MCM9: variants seen among roughly 807,000 people sequenced by gnomAD.
The protein encoded by MCM9 is DNA helicase MCM9.
In MCM9, 55 loss-of-function variants were observed where a neutral mutation model predicts 72.8. The observed-to-expected ratio is 0.76, with a 90% CI of 0.61 to 0.95. The LOEUF is 0.95. Among genes scored for constraint, MCM9 ranks in the 40% least tolerant of loss-of-function variants. The probability of loss-of-function intolerance (pLI) is 0.00; values close to 1 mark genes in which losing one functional copy is unlikely to be tolerated. For missense variants in MCM9, 1,279 were observed against 1,377.0 expected (o/e 0.93, Z 1.13); for synonymous variants, 480 against 503.4 (o/e 0.95, Z 0.62).
chr6:118,814,809 G>C lies in MCM9; in HGVS notation c.*15C>G. The C allele has an allele frequency of 6.8e-7, 1 of 1,480,812 alleles. No individual in the cohort carries two copies. Among genetic ancestry groups the C allele is most frequent in the Non-Finnish European group, 9.0e-7 (1 of 1,114,376 alleles). The allele number at this position is 1,480,812 out of a possible 1,614,324, so 91.7% of individuals were successfully genotyped here. A position where few individuals can be genotyped will look rare whatever the true frequency, so the allele number is the denominator to read the frequency against. On this transcript the variant is annotated 3_prime_UTR_variant, in exon 14 of 14. Coordinates refer to ENST00000619706, the MANE Select transcript of MCM9 (RefSeq NM_017696.3). ...AGTTGAAGAAGGTGAGATTTGACCA[G>C]AAAGCTTTTCCCAACTATGACTTTT...
At chr6:118,931,145 T>C (rs1782389174) in intron 3 of MCM9, among the ~76,000 whole-genome samples, 1 of 152,200 alleles carries the variant, frequency 6.6e-6, no homozygotes, top group Non-Finnish European at 1.5e-5. Flanking sequence ...TAAAGCTGTT[T>C]TGAATTACAT....
rs115635524 is a variant in MCM9, at chr6:118,822,251, G to A, written c.1961+3896C>T. Among the ~76,000 whole-genome samples, 278 of 152,190 alleles carry A rather than the reference G, an allele frequency of 1.8e-3. 1 individual carries two copies. Among genetic ancestry groups the A allele is most frequent in the South Asian group, 0.01 (50 of 4,826 alleles). On this transcript the variant is annotated intron_variant, in intron 13 of 13. Coordinates refer to ENST00000619706, the MANE Select transcript of MCM9 (RefSeq NM_017696.3). ...TTTGTGCTGGTTTTTCCTCATCTTCGTGCATTTATCTACCTTTGATCTTTG... is the reference window on the plus strand; with the variant it reads ...TTTGTGCTGGTTTTTCCTCATCTTCATGCATTTATCTACCTTTGATCTTTG...
rs1309818993 is a variant in MCM9 at position 118,815,676 on chromosome 6, G to T, written c.2580C>A (p.Cys860Ter). ...KLCKERAQKL[C>*]RNSTRVPAQC... ...GTGCAGGCACCCTGGTGCTATTTCT[G>T]CACAACTTCTGGGCCCTCTCTTTGC... The change falls in exon 14 of 14, where the codon TGC (cysteine) becomes TGA (stop). Residue 860 changes from cysteine to a stop codon, truncating the protein, a stop_gained. Transcript: ENST00000619706. LOFTEE classifies it low-confidence loss of function (END_TRUNC). 1 of 1,549,480 alleles carries T rather than the reference G, an allele frequency of 6.5e-7. No homozygotes were observed. Among genetic ancestry groups the T allele is most frequent in the Non-Finnish European group, 8.7e-7 (1 of 1,146,766 alleles).
At position 118,899,492 on chromosome 6, in the gene MCM9, C is replaced by T. The variant is rs576170846; in HGVS notation, c.1150+12158G>A. Among the ~76,000 whole-genome samples, 22 of 152,216 alleles carry T rather than the reference C, an allele frequency of 1.4e-4. No homozygotes were observed. The South Asian group carries it at 3.1e-3, about 22-fold the overall frequency. On this transcript the variant is annotated intron_variant, in intron 8 of 13. Transcript: ENST00000619706. ...GCGAGATACTTATATTGCCTACTTCCTCTCTATCTCCATCAACAGATGATC... is the reference window on the plus strand; with the variant it reads ...GCGAGATACTTATATTGCCTACTTCTTCTCTATCTCCATCAACAGATGATC...
chr6:118,925,054 A>C (rs1432628505), intron 3 of MCM9, among the ~76,000 whole-genome samples: 2 of 151,742 alleles, frequency 1.3e-5, no homozygotes, highest in Non-Finnish European at 2.9e-5. Flanking sequence ...AAAAAAAAGA[A>C]AGACAGGGAG....
chr6:118,910,187 C>T (rs1003627839), intron 8 of MCM9, among the ~76,000 whole-genome samples: 4 of 149,970 alleles, frequency 2.7e-5, no homozygotes, highest in African/African-American at 9.8e-5. Context: ...AAAACACATC[C>T]TTAGTGCACC....
At chr6:118,833,597 T>C (rs990876470) in intron 9 of MCM9, among the ~76,000 whole-genome samples, 1 of 152,104 alleles carries the variant, frequency 6.6e-6, no homozygotes, top group Middle Eastern at 3.2e-3. Context: ...AATTGTTCAG[T>C]CTTAAAAAGA....
Position 118,826,850 on chromosome 6 carries a change from T to A in MCM9, c.1747A>T (p.Met583Leu), listed in dbSNP as rs1774201932. 6.5e-7 allele frequency: 1 copy of A among 1,550,146 alleles called. No homozygotes were observed. Among genetic ancestry groups the A allele is most frequent in the Admixed American group, 2.0e-5 (1 of 50,922 alleles). ...TCCAGAGTTACAGTATCACGAAACA[T>A]CAGGCGAGCATGAGCTAAGAAAACA... is the stretch of plus-strand genomic sequence containing the variant. ...IRLAEAHARL[M>L]FRDTVTLEDA... Residue 583 changes from methionine (M) to leucine (L), a missense_variant, in exon 12 of 14, where the codon ATG (methionine) becomes TTG (leucine). Coordinates refer to ENST00000619706, the MANE Select transcript of MCM9 (RefSeq NM_017696.3).
Position 118,922,582 on chromosome 6 carries a change from A to G in MCM9, c.622-496T>C, listed in dbSNP as rs934500478. Among the ~76,000 whole-genome samples the G allele has an allele frequency of 3.3e-5, 5 of 152,220 alleles. No homozygotes were observed. The East Asian group carries it at 9.6e-4, about 29-fold the overall frequency. ...ATATGATAGAACTCTGACCAATGAG[A>G]TATCATAAGCAGACAATGCAAGAGA... On this transcript the variant is annotated intron_variant, in intron 4 of 13. Transcript: ENST00000619706.
intron 1 of MCM9, 33 bp downstream of exon 1, chr6:118,934,856 CAT>C (rs1290677657): frequency 6.6e-6 from 1 of 152,320 alleles, no homozygotes; most frequent in Non-Finnish European, 1.5e-5. Flanking sequence ...TGGAGAAAAA[CAT>C]AACCGCGAAA....
chr6:118,911,026 A>G, intron 8 of MCM9: 6 of 984,530 alleles, frequency 6.1e-6, no homozygotes, highest in Non-Finnish European at 7.2e-6. Flanking sequence ...TAAAAATACA[A>G]AATAGCATCA....
chr6:118,822,656 A>G (rs1275603465), intron 13 of MCM9, among the ~76,000 whole-genome samples: 4 of 152,128 alleles, frequency 2.6e-5, no homozygotes, highest in African/African-American at 9.7e-5. Context: ...GAATCCTCCT[A>G]GTTAGGATCA....
At chr6:118,922,408 G>A (rs1006788614) in intron 4 of MCM9, among the ~76,000 whole-genome samples, 10 of 152,124 alleles carry the variant, frequency 6.6e-5, no homozygotes, top group African/African-American at 2.4e-4. Context: ...TTTCTTTCCT[G>A]ATCGCTAATC....
intron 9 of MCM9, among the ~76,000 whole-genome samples, chr6:118,838,728 C>A (rs1583388870): frequency 1.3e-5 from 2 of 152,172 alleles, no homozygotes; most frequent in East Asian, 1.9e-4. Flanking sequence ...GCCGAAAATT[C>A]TTTTCTTTAA....
At chr6:118,848,566 C>G (rs577756117) in intron 9 of MCM9, among the ~76,000 whole-genome samples, 1 of 151,822 alleles carries the variant, frequency 6.6e-6, no homozygotes, top group East Asian at 1.9e-4. Context: ...ACAGTTTGGC[C>G]CACAAAGTCT....
At chr6:118,871,139 C>G (rs1243733173) in intron 8 of MCM9, among the ~76,000 whole-genome samples, 1 of 151,952 alleles carries the variant, frequency 6.6e-6, no homozygotes, top group African/African-American at 2.4e-5. Flanking sequence ...GAAAAAGACA[C>G]TACAAAAAAA....
At position 118,846,394 on chromosome 6, in the gene MCM9, G is replaced by A. The variant is rs913139373; in HGVS notation, c.1325+9977C>T. Among the ~76,000 whole-genome samples, 6 of 152,006 alleles carry A rather than the reference G, an allele frequency of 3.9e-5. No homozygotes were observed. The East Asian group carries it at 7.7e-4, about 20-fold the overall frequency. Reference sequence around the variant, plus strand: ...GATCAGTGGAGACTAAGTGAAAGGAGGAGAAAGTAATGGGGGCCTCATGCT... The same window carrying A: ...GATCAGTGGAGACTAAGTGAAAGGAAGAGAAAGTAATGGGGGCCTCATGCT... On this transcript the variant is annotated intron_variant, in intron 9 of 13. Transcript: ENST00000619706.
At chr6:118,822,727 C>T (rs1017088797) in intron 13 of MCM9, among the ~76,000 whole-genome samples, 2 of 152,188 alleles carry the variant, frequency 1.3e-5, no homozygotes, top group Admixed American at 6.5e-5. Flanking sequence ...ACACCCACAG[C>T]TTCCCCTTCC....
chr6:118,931,391 C>G, intron 3 of MCM9, 29 bp downstream of exon 3: 3 of 1,563,938 alleles, frequency 1.9e-6, no homozygotes, highest in Non-Finnish European at 2.6e-6. Context: ...TAGAAGATAG[C>G]ATGGCAGTAA....
Sources: gnomAD v4.1 joint callset for allele counts (sites outside exome capture counted in the v4.1 genomes callset) on GRCh38, gnomAD v4.1.1 for gene constraint, MANE v1.5 for transcripts, NCBI Gene and HGNC (gene_info 2026-07-23, HGNC 2026-07-21) for gene names.